Variants in KIF1B observed in about 807,000 individuals in gnomAD.
KIF1B encodes kinesin-like protein KIF1B.
KIF1B carries 76 observed loss-of-function variants against 241.9 expected under a neutral mutation model. The ratio of observed to expected loss-of-function variants is 0.31; its 90% CI spans 0.26 to 0.38. The LOEUF is 0.38. Among genes scored for constraint, KIF1B ranks in the 10% least tolerant of loss-of-function variants. The probability of loss-of-function intolerance (pLI) is 1.00; values close to 1 mark genes in which losing one functional copy is unlikely to be tolerated. For missense variants in KIF1B, 1,622 were observed against 2,271.4 expected, an observed-to-expected ratio of 0.71 and a Z score of 5.81; for synonymous variants, 750 against 796.7, an observed-to-expected ratio of 0.94 and a Z score of 0.99.
chr1:10,357,504 T>C lies in KIF1B; in HGVS notation c.4056-3425T>C, dbSNP rs189108323. ...TAATACTAGCACTTTCCTACTAAGG[T>C]AGGAAGATCACTTGAGCCCAAGAGT... On this transcript the variant is annotated intron_variant, in intron 38 of 48. Transcript: ENST00000676179. Among the ~76,000 whole-genome samples the C allele has an allele frequency of 9.3e-4, 141 of 152,098 alleles. 1 individual carries two copies. Among genetic ancestry groups the C allele is most frequent in the African/African-American group, 3.3e-3 (136 of 41,476 alleles).
chr1:10,283,111 G>T (rs1486576582), intron 15 of KIF1B, among the ~76,000 whole-genome samples: 1 of 150,894 alleles, frequency 6.6e-6, no homozygotes, highest in Non-Finnish European at 1.5e-5. Context: ...TGAGGCTGAG[G>T]CAGGAGAATG....
At position 10,320,068 on chromosome 1, in the gene KIF1B, TGCAGAA is replaced by T; in HGVS notation, c.2146_2151del (p.Lys716_Gln717del). The T allele has an allele frequency of 6.2e-7, 1 of 1,613,588 alleles. No homozygotes were observed. The highest frequency in any genetic ancestry group is 8.5e-7 in the Non-Finnish European group (1 of 1,179,580). On this transcript the variant is annotated inframe_deletion, in exon 23 of 49. Coordinates refer to ENST00000676179, the MANE Select transcript of KIF1B (RefSeq NM_001365951.3). ...GACTATGAGAGTAAATTGCAGGCCT[TGCAGAA>T]GCAGGTTGAAACCCGATCTCTGGCT...
intron 15 of KIF1B, among the ~76,000 whole-genome samples, chr1:10,283,003 C>T (rs539287740): frequency 1.3e-5 from 2 of 151,996 alleles, no homozygotes; most frequent in Non-Finnish European, 2.9e-5. Context: ...GTCAGGAGAT[C>T]AAGACCATCC....
chr1:10,266,673 T>C (rs1341434758), intron 5 of KIF1B, among the ~76,000 whole-genome samples: 3 of 152,210 alleles, frequency 2.0e-5, no homozygotes, highest in Admixed American at 6.5e-5. Flanking sequence ...AGAAATCTTA[T>C]TTCCGAGTTC....
In KIF1B at chr1:10,279,046, C is replaced by G. The variant is rs187913147; in HGVS notation, c.1181-51C>G. On this transcript the variant is annotated intron_variant, in intron 13 of 48. Coordinates refer to ENST00000676179, the MANE Select transcript of KIF1B (RefSeq NM_001365951.3). The stretch of plus-strand genomic sequence containing the variant: ...GCTCTGTTCCCTCTCTGTGTCACTG[C>G]TGAACCTGAACTTTGACCCTTCTCG... 18 of 1,405,824 alleles carry G rather than the reference C, an allele frequency of 1.3e-5. No individual in the cohort carries two copies. The East Asian group carries it at 4.2e-4, about 33-fold the overall frequency. 87.1% of individuals were successfully genotyped at this position (1,405,824 alleles called of 1,614,324 possible).
In KIF1B at chr1:10,320,221, G is replaced by A; in HGVS notation, c.2209+85G>A. ...TAGTCATTTATGCATAATCAAAGCT[G>A]GATTCCTCTTAGTTGGCCCTATCAT... On this transcript the variant is annotated intron_variant, in intron 23 of 48. Coordinates refer to ENST00000676179, the MANE Select transcript of KIF1B (RefSeq NM_001365951.3). 5 of 897,710 alleles carry A rather than the reference G, an allele frequency of 5.6e-6. No homozygotes were observed. The South Asian group carries it at 6.7e-5, about 12-fold the overall frequency. 55.6% of individuals were successfully genotyped at this position (897,710 alleles called of 1,614,324 possible).
intron 1 of KIF1B, among the ~76,000 whole-genome samples, chr1:10,231,378 CTTTTTTTTTT>C (rs35213507): frequency 2.3e-5 from 2 of 85,716 alleles, no homozygotes; most frequent in African/African-American, 9.9e-5. Context: ...GTTCAGTGCC[CTTTTTTTTTT>C]TTTTTTTTTT....
At position 10,379,648 on chromosome 1, in the gene KIF1B, A is replaced by C. The variant is rs1557750226; in HGVS notation, c.*3061A>C. 1 of 231,304 alleles carries C rather than the reference A, an allele frequency of 4.3e-6. No individual in the cohort carries two copies. Among genetic ancestry groups the C allele is most frequent in the African/African-American group, 2.2e-5 (1 of 45,238 alleles). 14.3% of individuals were successfully genotyped at this position (231,304 alleles called of 1,614,324 possible). The stretch of plus-strand genomic sequence containing the variant: ...CCTTTAAATAAGCAAAAACTTTAAA[A>C]GGCAGGAAAGAGAATTCTTAGGCAA... On this transcript the variant is annotated 3_prime_UTR_variant, in exon 49 of 49. Coordinates refer to ENST00000676179, the MANE Select transcript of KIF1B (RefSeq NM_001365951.3).
At chr1:10,304,325 T>G (rs762993411) in intron 22 of KIF1B, 8 of 1,614,022 alleles carry the variant, frequency 5.0e-6, no homozygotes, top group Admixed American at 1.7e-5. Flanking sequence ...CCACCTCAAC[T>G]ACGTTGGAGA....
intron 4 of KIF1B, among the ~76,000 whole-genome samples, chr1:10,261,123 C>A (rs997753805): frequency 6.7e-6 from 1 of 149,994 alleles, no homozygotes; most frequent in Non-Finnish European, 1.5e-5. Flanking sequence ...CGTACCACCA[C>A]GTCTGGCTAA....
intron 2 of KIF1B, among the ~76,000 whole-genome samples, chr1:10,236,831 G>GT (rs1253843706): frequency 0.037 from 5,267 of 141,952 alleles, 252 homozygotes; most frequent in African/African-American, 0.12. Context: ...TTATTGGCTT[G>GT]TTTTTTTTTT....
At chr1:10,244,434 C>G (rs1486109317) in intron 2 of KIF1B, among the ~76,000 whole-genome samples, 1 of 151,028 alleles carries the variant, frequency 6.6e-6, no homozygotes, top group Non-Finnish European at 1.5e-5. Flanking sequence ...CCTGCCTCAG[C>G]CTACCAAGTA....
Position 10,267,697 on chromosome 1 carries a change from G to T in KIF1B, c.608+139G>T, listed in dbSNP as rs933740245. 20 of 753,016 alleles carry T rather than the reference G, an allele frequency of 2.7e-5. No homozygotes were observed. In the Admixed American group the frequency reaches 3.1e-4, roughly 12 times the overall value. The allele number at this position is 753,016 out of a possible 1,614,324, so 46.6% of individuals were successfully genotyped here. On this transcript the variant is annotated intron_variant, in intron 6 of 48. Transcript: ENST00000676179. ...AGTCCTCTGATCCTTTGACTGTGCT[G>T]TAACAGTGAGGGCTTCAGAGTGTTA...
At position 10,282,362 on chromosome 1, in the gene KIF1B, A is replaced by G. The variant is rs200557182; in HGVS notation, c.1263A>G (p.Leu421=). 5.0e-5 allele frequency: 81 copies of G among 1,614,130 alleles called. No individual in the cohort carries two copies. The highest frequency in any genetic ancestry group is 4.7e-4 in the Admixed American group (28 of 60,002). ...DFQNNKHRYL[L]ASENQRPGHF... ...AGAACAATAAGCATAGATACTTGCT[A>G]GCCTCTGAGAATCAACGCCCTGGCC... Residue 421 remains leucine (L), a synonymous_variant, in exon 15 of 49, where the codon CTA becomes CTG. Coordinates refer to ENST00000676179, the MANE Select transcript of KIF1B (RefSeq NM_001365951.3).
chr1:10,271,694 G>A (rs1012776376), intron 8 of KIF1B, 115 bp downstream of exon 8: 3 of 771,222 alleles, frequency 3.9e-6, no homozygotes, highest in Admixed American at 3.8e-5. Context: ...GTCTATGGCT[G>A]CTTTTGCACT....
chr1:10,369,886 C>T (rs1405238558), intron 44 of KIF1B, among the ~76,000 whole-genome samples: 3 of 150,400 alleles, frequency 2.0e-5, no homozygotes, highest in African/African-American at 4.9e-5. Context: ...GAGCCAAGAT[C>T]GTGCCATTGC....
chr1:10,321,621 C>A (rs971068014), intron 23 of KIF1B, 88 bp from the exon 24 acceptor site: 2 of 1,416,152 alleles, frequency 1.4e-6, no homozygotes, highest in Non-Finnish European at 2.0e-6. Context: ...AAACACCTCA[C>A]CTTGGTAAAA....
intron 22 of KIF1B, among the ~76,000 whole-genome samples, chr1:10,309,259 C>T (rs1650965916): frequency 1.3e-5 from 2 of 152,184 alleles, no homozygotes; most frequent in Non-Finnish European, 2.9e-5. Flanking sequence ...AAGTGTTATG[C>T]CTGAATCGGT....
intron 40 of KIF1B, 78 bp from the exon 41 acceptor site, chr1:10,363,205 T>TGCAGTGTC (rs2102347370): frequency 1.8e-6 from 2 of 1,085,088 alleles, no homozygotes; most frequent in South Asian, 2.5e-5. Flanking sequence ...GAAGACACTA[T>TGCAGTGTC]TTTAAGTAGC....
Sources: allele counts gnomAD v4.1 joint callset (sites outside exome capture counted in the v4.1 genomes callset), GRCh38; gene constraint gnomAD v4.1.1; transcripts MANE v1.5; gene names NCBI Gene and HGNC (gene_info 2026-07-23, HGNC 2026-07-21).